PARD3B: variants seen among roughly 807,000 people sequenced by gnomAD.
The protein encoded by PARD3B is par-3 family cell polarity regulator beta.
PARD3B carries 103 observed loss-of-function variants against 130.2 expected under a neutral mutation model. The ratio of observed to expected loss-of-function variants is 0.79; its 90% CI spans 0.67 to 0.93. PARD3B has a LOEUF of 0.93. Ranked by LOEUF, PARD3B falls within the 40% of genes least tolerant of loss-of-function variation. PARD3B has a pLI of 0.00. For missense variants in PARD3B, 1,609 were observed against 1,499.2 expected (o/e 1.07, Z -1.21); for synonymous variants, 583 against 553.2 (o/e 1.05, Z -0.76).
At chr2:205,210,762 A>AT (rs1480356987) in intron 15 of PARD3B, among the ~76,000 whole-genome samples, 10 of 151,812 alleles carry the variant, frequency 6.6e-5, no homozygotes, top group African/African-American at 2.4e-4. Flanking sequence ...TAAAAAGGTT[A>AT]TTTTATTTTA....
intron 20 of PARD3B, among the ~76,000 whole-genome samples, chr2:205,498,531 G>C (rs1247689618): frequency 6.6e-6 from 1 of 151,972 alleles, no homozygotes; most frequent in Admixed American, 6.6e-5. Flanking sequence ...AAAGTCACCA[G>C]AACTCACTTT....
At chr2:205,551,713 C>A (rs953831359) in intron 21 of PARD3B, among the ~76,000 whole-genome samples, 8 of 152,288 alleles carry the variant, frequency 5.3e-5, no homozygotes, top group Admixed American at 4.6e-4. Context: ...CCCATATACA[C>A]AGTCTGCACA....
At chr2:204,757,440 A>C (rs1402193274) in intron 2 of PARD3B, among the ~76,000 whole-genome samples, 2 of 152,088 alleles carry the variant, frequency 1.3e-5, no homozygotes, top group Non-Finnish European at 2.9e-5. Context: ...ACCTTCTTAT[A>C]GTAGCCATTC....
At chr2:204,966,259 A>AT (rs1162818756) in intron 3 of PARD3B, among the ~76,000 whole-genome samples, 1 of 152,180 alleles carries the variant, frequency 6.6e-6, no homozygotes, top group Non-Finnish European at 1.5e-5. Flanking sequence ...TTTTGTACTG[A>AT]TTTTTGGAAA....
At chr2:204,593,678 C>T (rs1292390818) in intron 1 of PARD3B, among the ~76,000 whole-genome samples, 1 of 152,188 alleles carries the variant, frequency 6.6e-6, no homozygotes. Flanking sequence ...GGAGAAATCT[C>T]ATTTGCCAGA....
At chr2:204,575,394 A>G (rs1250619574) in intron 1 of PARD3B, among the ~76,000 whole-genome samples, 1 of 152,216 alleles carries the variant, frequency 6.6e-6, no homozygotes, top group Non-Finnish European at 1.5e-5. Context: ...GAACCTAAGA[A>G]TTATTTAAAT....
Position 205,245,875 on chromosome 2 carries a change from G to A in PARD3B, c.2185+53G>A, listed in dbSNP as rs1372556839. On this transcript the variant is annotated intron_variant, in intron 16 of 22. Coordinates refer to ENST00000406610, the MANE Select transcript of PARD3B (RefSeq NM_001302769.2). Reference sequence around the variant, plus strand: ...TTCCTCTTCCTGGAAATCACTGGCTGTGTTTTAGTAGCAGTTGGAACCTGT... The same window carrying A: ...TTCCTCTTCCTGGAAATCACTGGCTATGTTTTAGTAGCAGTTGGAACCTGT... 8 of 1,460,504 alleles carry A rather than the reference G, an allele frequency of 5.5e-6. No individual in the cohort carries two copies. In the South Asian group the frequency reaches 8.0e-5, roughly 15 times the overall value. 90.5% of individuals were successfully genotyped at this position (1,460,504 alleles called of 1,614,324 possible).
At chr2:205,527,627 G>T (rs1273323623) in intron 21 of PARD3B, among the ~76,000 whole-genome samples, 1 of 152,162 alleles carries the variant, frequency 6.6e-6, no homozygotes, top group Non-Finnish European at 1.5e-5. Flanking sequence ...CTGTTTCTAT[G>T]TCAGTAGTGT....
At chr2:205,345,648 T>C (rs1272768875) in intron 18 of PARD3B, among the ~76,000 whole-genome samples, 1 of 150,876 alleles carries the variant, frequency 6.6e-6, no homozygotes, top group Non-Finnish European at 1.5e-5. Context: ...CCTAGAGAAT[T>C]TGAACAAAAA....
intron 3 of PARD3B, among the ~76,000 whole-genome samples, chr2:205,026,234 C>T (rs747995812): frequency 6.6e-6 from 1 of 152,044 alleles, no homozygotes; most frequent in Non-Finnish European, 1.5e-5. Flanking sequence ...GCAGAGGGAC[C>T]AGCTAGTACA....
intron 2 of PARD3B, among the ~76,000 whole-genome samples, chr2:204,797,810 A>G (rs1435963124): frequency 6.6e-6 from 1 of 152,210 alleles, no homozygotes; most frequent in South Asian, 2.1e-4. Context: ...AACCAATGAG[A>G]TAGGAGAAAT....
intron 2 of PARD3B, among the ~76,000 whole-genome samples, chr2:204,961,551 G>A (rs924481756): frequency 2.6e-5 from 4 of 152,122 alleles, no homozygotes; most frequent in African/African-American, 9.7e-5. Context: ...GGTCTGGGTT[G>A]CACCACTTAA....
chr2:205,393,310 A>G (rs146315753), intron 18 of PARD3B, among the ~76,000 whole-genome samples: 77 of 152,306 alleles, frequency 5.1e-4, no homozygotes, highest in African/African-American at 1.5e-3. Flanking sequence ...TGTAATTTAT[A>G]AAATGTAAGG....
At position 205,281,239 on chromosome 2, in the gene PARD3B, G is replaced by T. The variant is rs556223919; in HGVS notation, c.2186-19291G>T. ...AGAAGGGGCAGGTCTAAAGACAAAA[G>T]GGTTGGGGATGATCATGTTAAATAA... On this transcript the variant is annotated intron_variant, in intron 16 of 22. Transcript: ENST00000406610. This position sits in a 1 kb window ranked among gnomAD's most constrained non-coding sequence, Gnocchi z 4.2. 4.6e-5 allele frequency among the ~76,000 whole-genome samples: 7 copies of T among 152,294 alleles called. No homozygotes were observed. The highest frequency in any genetic ancestry group is 7.3e-5 in the Non-Finnish European group (5 of 68,028).
intron 4 of PARD3B, among the ~76,000 whole-genome samples, chr2:205,088,228 G>A (rs1038805935): frequency 1.3e-5 from 2 of 152,156 alleles, no homozygotes; most frequent in Non-Finnish European, 2.9e-5. Flanking sequence ...AACGTACTCA[G>A]TGATGCATTT....
rs2039933152 is a variant in PARD3B at position 205,253,236 on chromosome 2, A to G, written c.2185+7414A>G. On this transcript the variant is annotated intron_variant, in intron 16 of 22. Transcript: ENST00000406610. This position sits in a 1 kb window ranked among gnomAD's most constrained non-coding sequence, Gnocchi z 4.4. ...TTCCTGCGGCATTTACTTCTTGATAACAAGAGTGAGAAGATAGAGACAGGG... is the reference window on the plus strand; with the variant it reads ...TTCCTGCGGCATTTACTTCTTGATAGCAAGAGTGAGAAGATAGAGACAGGG... 4.6e-6 allele frequency: 2 copies of G among 435,262 alleles called. No homozygotes were observed. The highest frequency in any genetic ancestry group is 9.2e-6 in the Non-Finnish European group (2 of 216,504). The allele number at this position is 435,262 out of a possible 1,614,324, so 27.0% of individuals were successfully genotyped here. A position where few individuals can be genotyped will look rare whatever the true frequency, so the allele number is the denominator to read the frequency against.
At chr2:204,811,611 G>A (rs1011507162) in intron 2 of PARD3B, among the ~76,000 whole-genome samples, 12 of 152,096 alleles carry the variant, frequency 7.9e-5, no homozygotes, top group Admixed American at 3.3e-4. Context: ...ATGGAAGAAT[G>A]GGGTGGGACA....
At chr2:204,734,816 G>T (rs1364142685) in intron 2 of PARD3B, among the ~76,000 whole-genome samples, 1 of 152,018 alleles carries the variant, frequency 6.6e-6, no homozygotes, top group Non-Finnish European at 1.5e-5. Flanking sequence ...CTTCATCGTG[G>T]TGATGGTCAC....
At chr2:205,077,328 TGA>T (rs1457174105) in intron 4 of PARD3B, among the ~76,000 whole-genome samples, 3 of 152,306 alleles carry the variant, frequency 2.0e-5, no homozygotes, top group East Asian at 3.9e-4. Flanking sequence ...ATTCATCAGT[TGA>T]GAGTGTCAGA....
Sources: gnomAD v4.1 joint callset for allele counts (sites outside exome capture counted in the v4.1 genomes callset) on GRCh38, gnomAD v4.1.1 for gene constraint, Gnocchi (gnomAD v3.1) non-coding constraint, MANE v1.5 for transcripts, NCBI Gene and HGNC (gene_info 2026-07-23, HGNC 2026-07-21) for gene names.